The following LEPR variants were observed in gnomAD, a reference collection of about 807,000 sequenced individuals.
The protein encoded by LEPR is OB receptor.
A neutral mutation model predicts 114.7 loss-of-function variants in LEPR; 56 were observed. The ratio of observed to expected loss-of-function variants is 0.49; its 90% confidence interval spans 0.39 to 0.61. The LOEUF is 0.61. LEPR is among the 20% of genes least tolerant of loss of function. LEPR has a pLI of 0.00. For missense variants in LEPR, 1,202 were observed against 1,352.9 expected (o/e 0.89, Z 1.75); for synonymous variants, 443 against 461.4 (o/e 0.96, Z 0.51).
intron 12 of LEPR, among the ~76,000 whole-genome samples, 153 bp downstream of exon 12, chr1:65,609,054 CT>C (rs1657004336): frequency 1.3e-5 from 2 of 152,138 alleles, no homozygotes; most frequent in South Asian, 2.1e-4. Flanking sequence ...CTAAGTCTAA[CT>C]TTTTTAAAGA....
intron 2 of LEPR, among the ~76,000 whole-genome samples, chr1:65,437,304 GGCTCCCTGGGCT>G (rs971896728): frequency 6.6e-6 from 1 of 152,012 alleles, no homozygotes; most frequent in African/African-American, 2.4e-5. Flanking sequence ...ATGTTGCCCA[GGCTCCCTGGGCT>G]CAAGCTATCC....
intron 2 of LEPR, among the ~76,000 whole-genome samples, chr1:65,507,459 G>GTGTGTA (rs375120311): frequency 8.2e-4 from 114 of 139,496 alleles, no homozygotes; most frequent in Middle Eastern, 3.7e-3. Flanking sequence ...GTGTGTGTGT[G>GTGTGTA]TATATATATA....
At chr1:65,469,470 C>A (rs1647056519) in intron 2 of LEPR, among the ~76,000 whole-genome samples, 1 of 152,090 alleles carries the variant, frequency 6.6e-6, no homozygotes, top group South Asian at 2.1e-4. Flanking sequence ...AAGGATGGGC[C>A]TGAGTATTTG....
intron 5 of LEPR, among the ~76,000 whole-genome samples, chr1:65,575,526 A>G (rs1231172721): frequency 6.6e-6 from 1 of 151,626 alleles, no homozygotes; most frequent in Non-Finnish European, 1.5e-5. Flanking sequence ...AATAATTTAT[A>G]ATAGTTAACT....
At chr1:65,502,786 T>C (rs1648521014) in intron 2 of LEPR, among the ~76,000 whole-genome samples, 1 of 151,586 alleles carries the variant, frequency 6.6e-6, no homozygotes, top group African/African-American at 2.4e-5. Flanking sequence ...TGATTTGGGA[T>C]TGTGTCTGAC....
intron 2 of LEPR, among the ~76,000 whole-genome samples, chr1:65,473,043 G>A (rs1036006172): frequency 1.3e-5 from 2 of 152,210 alleles, no homozygotes; most frequent in African/African-American, 4.8e-5. Flanking sequence ...TCTGACAGGT[G>A]CCATTCTTCC....
At chr1:65,422,032 T>C (rs1234182985) in intron 1 of LEPR, among the ~76,000 whole-genome samples, 1 of 152,186 alleles carries the variant, frequency 6.6e-6, no homozygotes, top group Non-Finnish European at 1.5e-5. Flanking sequence ...ACTATGTCAG[T>C]GTTTATGTTG....
In LEPR at chr1:65,637,071, G is replaced by A. The variant is rs1658742142; in HGVS notation, c.*56G>A. 1 of 1,420,716 alleles carries A rather than the reference G, an allele frequency of 7.0e-7. No homozygotes were observed. The highest frequency in any genetic ancestry group is 2.3e-5 in the East Asian group (1 of 43,756). The allele number at this position is 1,420,716 out of a possible 1,614,324, so 88.0% of individuals were successfully genotyped here. ...ATAATGGGTAATATAAAGTGTAATA[G>A]ATTATAGTTGTGGGTGGGAGAGAGA... On this transcript the variant is annotated 3_prime_UTR_variant, in exon 20 of 20. Transcript: ENST00000349533.
chr1:65,518,873 T>TTCTCTTTCTTTCTTTCTTTC, intron 2 of LEPR, among the ~76,000 whole-genome samples: 1 of 117,322 alleles, frequency 8.5e-6, no homozygotes, highest in East Asian at 2.3e-4. Context: ...CTTTCTTTCT[T>TTCTCTTTCTTTCTTTCTTTC]TTTCTTTCTT....
rs139685198 is a variant in LEPR at position 65,582,240 on chromosome 1, G to A, written c.494+9791G>A. On this transcript the variant is annotated intron_variant, in intron 5 of 19. Transcript: ENST00000349533. ...ACAATTTCTGTTTTTAAGGAATTCA[G>A]CTGCAGCTTAGTGTGGGGTGGAATG... Among the ~76,000 whole-genome samples the A allele has an allele frequency of 2.6e-5, 4 of 152,310 alleles. No homozygotes were observed. The East Asian group carries it at 7.7e-4, about 29-fold the overall frequency.
rs569576076 is a variant in LEPR, at chr1:65,456,014, C to T, written c.-21+30636C>T. Among the ~76,000 whole-genome samples, 779 of 152,258 alleles carry T rather than the reference C, an allele frequency of 5.1e-3. 8 individuals are homozygous for T. The highest frequency in any genetic ancestry group is 0.018 in the African/African-American group (747 of 41,540). On this transcript the variant is annotated intron_variant, in intron 2 of 19. Coordinates refer to ENST00000349533, the MANE Select transcript of LEPR (RefSeq NM_002303.6). ...CCATTTTTTAAGCCCGTCGGAAAAG[C>T]ACAGTATTCGGGTGGGAGTGACCCG...
chr1:65,432,972 C>A lies in LEPR; in HGVS notation c.-21+7594C>A, dbSNP rs969710296. On this transcript the variant is annotated intron_variant, in intron 2 of 19. Coordinates refer to ENST00000349533, the MANE Select transcript of LEPR (RefSeq NM_002303.6). ...AAAAAACAAAACATACTCTCTCCCC[C>A]AAAAAAACATCTCAGTGGGGAACAG... The A allele has an allele frequency of 9.1e-6, 9 of 985,034 alleles. No homozygotes were observed. In the Admixed American group the frequency reaches 5.5e-4, roughly 61 times the overall value. The allele number at this position is 985,034 out of a possible 1,614,324, so 61.0% of individuals were successfully genotyped here. A position where few individuals can be genotyped will look rare whatever the true frequency, so the allele number is the denominator to read the frequency against.
chr1:65,555,352 G>A (rs1034986073), intron 2 of LEPR, among the ~76,000 whole-genome samples: 3 of 152,220 alleles, frequency 2.0e-5, no homozygotes, highest in African/African-American at 7.2e-5. Context: ...ATATCACCTG[G>A]ATGAATGGTT....
intron 5 of LEPR, among the ~76,000 whole-genome samples, chr1:65,573,494 T>C (rs1557671752): frequency 6.6e-6 from 1 of 152,240 alleles, no homozygotes; most frequent in Non-Finnish European, 1.5e-5. Flanking sequence ...AACAAAGATA[T>C]TGTTTTCAAA....
chr1:65,501,967 T>C (rs941613447), intron 2 of LEPR, among the ~76,000 whole-genome samples: 1 of 152,140 alleles, frequency 6.6e-6, no homozygotes, highest in African/African-American at 2.4e-5. Flanking sequence ...TAAGGTAACA[T>C]TGGCAATGTG....
rs140794712 is a variant in LEPR, at chr1:65,457,768, ATGTTTCTT to A, written c.-21+32400_-21+32407del. Among the ~76,000 whole-genome samples the A allele has an allele frequency of 5.0e-3, 764 of 152,046 alleles. 8 individuals are homozygous for A. Among genetic ancestry groups the A allele is most frequent in the African/African-American group, 0.018 (736 of 41,466 alleles). On this transcript the variant is annotated intron_variant, in intron 2 of 19. Coordinates refer to ENST00000349533, the MANE Select transcript of LEPR (RefSeq NM_002303.6). Reference sequence around the variant, plus strand: ...CACTTACAGTGTTTACAGTGTTCTCATGTTTCTTTGTTTCTTTTCTTTTTAAATTTCGA... The same window carrying A: ...CACTTACAGTGTTTACAGTGTTCTCATGTTTCTTTTCTTTTTAAATTTCGA...
intron 2 of LEPR, among the ~76,000 whole-genome samples, chr1:65,488,032 CTTTG>C (rs778119184): frequency 9.6e-5 from 13 of 135,708 alleles, no homozygotes; most frequent in South Asian, 2.4e-4. Context: ...CTCTTTCTTT[CTTTG>C]TTTCTTTCTT....
rs28401234 is a variant in LEPR at position 65,558,552 on chromosome 1, T to G, written c.-20-6994T>G. On this transcript the variant is annotated intron_variant, in intron 2 of 19. Coordinates refer to ENST00000349533, the MANE Select transcript of LEPR (RefSeq NM_002303.6). Reference sequence around the variant, plus strand: ...TTTTTTTTTTTGTTTTTTTTTTGTTTTTTTTTTTTTTTATACTTTAAGTTT... The same window carrying G: ...TTTTTTTTTTTGTTTTTTTTTTGTTGTTTTTTTTTTTTATACTTTAAGTTT... Among the ~76,000 whole-genome samples, 8 of 83,832 alleles carry G rather than the reference T, an allele frequency of 9.5e-5. 1 individual carries two copies. The highest frequency in any genetic ancestry group is 1.7e-4 in the Non-Finnish European group (7 of 40,930). The allele number at this position is 83,832 out of a possible 152,430, so 55.0% of individuals were successfully genotyped here. A position where few individuals can be genotyped will look rare whatever the true frequency, so the allele number is the denominator to read the frequency against.
At chr1:65,503,379 C>T (rs2104563) in intron 2 of LEPR, among the ~76,000 whole-genome samples, 99,735 of 152,072 alleles carry the variant, frequency 0.66, 33,850 homozygotes, top group Middle Eastern at 0.86. Context: ...ATTAACAATG[C>T]TACAAACATA....
Sources: gnomAD v4.1 joint callset for allele counts (sites outside exome capture counted in the v4.1 genomes callset) on GRCh38, gnomAD v4.1.1 for gene constraint, MANE v1.5 for transcripts, NCBI Gene and HGNC (gene_info 2026-07-23, HGNC 2026-07-21) for gene names.